Variants in PCDHGB3 observed in about 807,000 individuals in gnomAD.
PCDHGB3 encodes the protein protocadherin gamma subfamily B, 3, also known as protocadherin gamma-B3.
Under a neutral mutation model 59.2 loss-of-function variants are expected in PCDHGB3, and 40 were observed. The ratio of observed to expected loss-of-function variants is 0.68; its 90% CI spans 0.52 to 0.88. PCDHGB3 has a LOEUF of 0.88. Among genes scored for constraint, PCDHGB3 ranks in the 40% least tolerant of loss-of-function variants. The pLI, the probability that PCDHGB3 is intolerant of heterozygous loss-of-function variation, is 0.00. For synonymous variants in PCDHGB3, 581 were observed against 503.6 expected (o/e 1.15, Z -2.06); for missense variants, 1,309 against 1,187.9 (o/e 1.10, Z -1.50).
rs765818637 is a variant in PCDHGB3 at position 141,409,918 on chromosome 5, C to T, written c.2415+37109C>T. ...ACCCAGCTCTGGGTCCTGACGGCTC[C>T]GCGTTCTTCGATATGGTACCTCGCT... On this transcript the variant is annotated intron_variant, in intron 1 of 3. Coordinates refer to ENST00000576222, the MANE Select transcript of PCDHGB3 (RefSeq NM_018924.5). 1.9e-6 allele frequency: 3 copies of T among 1,613,222 alleles called. No individual in the cohort carries two copies. In the African/African-American group the frequency reaches 4.0e-5, roughly 22 times the overall value.
intron 1 of PCDHGB3, chr5:141,426,675 C>T: frequency 2.3e-6 from 1 of 431,942 alleles, no homozygotes; most frequent in South Asian, 1.6e-5. Flanking sequence ...TAACCCACCT[C>T]ATTTTCCCCA....
intron 1 of PCDHGB3, chr5:141,387,914 G>A (rs1379719736): frequency 1.5e-5 from 22 of 1,487,626 alleles, no homozygotes; most frequent in Non-Finnish European, 1.8e-5. Context: ...AGCTGGGCCG[G>A]GCTGAGAGGC....
chr5:141,410,104 C>T, intron 1 of PCDHGB3: 1 of 1,612,582 alleles, frequency 6.2e-7, no homozygotes, highest in African/African-American at 1.3e-5. Context: ...CCTTAGGCGA[C>T]AGGGACGCAG....
At chr5:141,469,886 T>A (rs766990419) in intron 1 of PCDHGB3, among the ~76,000 whole-genome samples, 4 of 152,208 alleles carry the variant, frequency 2.6e-5, no homozygotes, top group Non-Finnish European at 4.4e-5. Context: ...ATCTCGGCAC[T>A]TTGGGAAGCC....
intron 1 of PCDHGB3, chr5:141,394,909 C>A (rs1349151273): frequency 1.9e-6 from 3 of 1,613,418 alleles, no homozygotes; most frequent in East Asian, 4.5e-5. Context: ...GCAGTGGCTG[C>A]CATCTCCTGT....
At chr5:141,415,342 T>C (rs1305683222) in intron 1 of PCDHGB3, 2 of 1,614,108 alleles carry the variant, frequency 1.2e-6, no homozygotes, top group African/African-American at 2.7e-5. Context: ...GCTGCGGCGC[T>C]GGCACAAGTC....
At chr5:141,461,963 C>T (rs1396490046) in intron 1 of PCDHGB3, among the ~76,000 whole-genome samples, 1 of 152,084 alleles carries the variant, frequency 6.6e-6, no homozygotes, top group Non-Finnish European at 1.5e-5. Flanking sequence ...AGCTGGGATT[C>T]CAGGCATATG....
chr5:141,420,080 C>T (rs754438863), intron 1 of PCDHGB3: 2 of 1,614,010 alleles, frequency 1.2e-6, no homozygotes, highest in Non-Finnish European at 1.7e-6. Context: ...TGTGGGTCCC[C>T]CCAACTACAG....
chr5:141,411,785 G>A (rs2095515346), intron 1 of PCDHGB3: 1 of 152,310 alleles, frequency 6.6e-6, no homozygotes, highest in South Asian at 2.1e-4. Context: ...TGGTGGCTGT[G>A]GTGGGAGAAT....
chr5:141,487,633 T>C lies in PCDHGB3; in HGVS notation c.2416-7174T>C. On this transcript the variant is annotated intron_variant, in intron 1 of 3. Transcript: ENST00000576222. The surrounding 1 kb of genome is among the most constrained non-coding windows in gnomAD (Gnocchi z 5.0). ...GGCTAGAGGTGAGACCTTTGCAGGCTCAACAAATGCTTGAGGGTTATTCTG... is the reference window on the plus strand; with the variant it reads ...GGCTAGAGGTGAGACCTTTGCAGGCCCAACAAATGCTTGAGGGTTATTCTG... 3 of 1,614,164 alleles carry C rather than the reference T, an allele frequency of 1.9e-6. No individual in the cohort carries two copies. The highest frequency in any genetic ancestry group is 2.7e-5 in the African/African-American group (2 of 75,052).
rs751567991 is a variant in PCDHGB3 at position 141,398,180 on chromosome 5, T to C, written c.2415+25371T>C. ...CGGGCTGAGAGGCTGCCAGTGCTCT[T>C]TCTCTTCCTGCTGTCTTTGTTCTGC... On this transcript the variant is annotated intron_variant, in intron 1 of 3. Coordinates refer to ENST00000576222, the MANE Select transcript of PCDHGB3 (RefSeq NM_018924.5). 3 of 1,473,764 alleles carry C rather than the reference T, an allele frequency of 2.0e-6. No individual in the cohort carries two copies. The African/African-American group carries it at 4.3e-5, about 21-fold the overall frequency. The allele number at this position is 1,473,764 out of a possible 1,614,324, so 91.3% of individuals were successfully genotyped here. A position where few individuals can be genotyped will look rare whatever the true frequency, so the allele number is the denominator to read the frequency against.
intron 1 of PCDHGB3, chr5:141,390,412 C>A: frequency 8.3e-7 from 1 of 1,206,056 alleles, no homozygotes; most frequent in Admixed American, 2.5e-5. Flanking sequence ...AAGTTGTAGT[C>A]AGTTAAAAAG....
At chr5:141,400,776 GT>G (rs1167512157) in intron 1 of PCDHGB3, 17 of 557,594 alleles carry the variant, frequency 3.0e-5, no homozygotes, top group East Asian at 1.8e-4. Flanking sequence ...CATTTGGTGC[GT>G]TTTTTTGTCC....
chr5:141,418,785 T>C, intron 1 of PCDHGB3: 1 of 1,613,862 alleles, frequency 6.2e-7, no homozygotes, highest in African/African-American at 1.3e-5. Flanking sequence ...CCTTTGGATT[T>C]TGAAGAAGTA....
intron 1 of PCDHGB3, chr5:141,492,005 C>A (rs1444993907): frequency 3.1e-6 from 2 of 642,268 alleles, no homozygotes; most frequent in African/African-American, 3.8e-5. Flanking sequence ...GGGCGATTTC[C>A]GCGGGTGTCG....
chr5:141,421,246 C>T (rs1047768415), intron 1 of PCDHGB3: 16 of 1,603,622 alleles, frequency 1.0e-5, no homozygotes, highest in Admixed American at 1.7e-5. Flanking sequence ...TCGGCTACAG[C>T]GCGGGGACCG....
chr5:141,444,364 T>C (rs1191889941), intron 1 of PCDHGB3, among the ~76,000 whole-genome samples: 2 of 151,718 alleles, frequency 1.3e-5, no homozygotes, highest in Admixed American at 1.3e-4. Context: ...AGAGACGGGG[T>C]TTCTCCATGT....
intron 1 of PCDHGB3, among the ~76,000 whole-genome samples, chr5:141,436,162 G>A (rs1036923915): frequency 2.6e-5 from 4 of 152,142 alleles, no homozygotes; most frequent in African/African-American, 7.2e-5. Flanking sequence ...TTTATCATAT[G>A]GACAGTTCTC....
At chr5:141,467,117 A>G (rs62379198) in intron 1 of PCDHGB3, among the ~76,000 whole-genome samples, 35,587 of 150,646 alleles carry the variant, frequency 0.24, 4,364 homozygotes, top group Admixed American at 0.32. Flanking sequence ...CAATGGTGCA[A>G]TCTCAGCTCA....
Sources: gnomAD v4.1 joint callset for allele counts (sites outside exome capture counted in the v4.1 genomes callset) on GRCh38, gnomAD v4.1.1 for gene constraint, Gnocchi (gnomAD v3.1) non-coding constraint, MANE v1.5 for transcripts, NCBI Gene and HGNC (gene_info 2026-07-23, HGNC 2026-07-21) for gene names.